Variants in PPP1R1C observed in about 807,000 individuals in gnomAD.
PPP1R1C encodes the protein protein phosphatase 1 regulatory subunit 1C.
Under a neutral mutation model 17.4 loss-of-function variants are expected in PPP1R1C, and 15 were observed. That is an observed-to-expected ratio of 0.86 (90% CI 0.58 to 1.33). The LOEUF is 1.33. PPP1R1C is among the 40% of genes most tolerant of loss of function. The pLI is 0.00. For missense variants in PPP1R1C, 143 were observed against 130.0 expected (o/e 1.10, Z -0.48); for synonymous variants, 35 against 43.1 (o/e 0.81, Z 0.73).
intron 2 of PPP1R1C, among the ~76,000 whole-genome samples, chr2:182,050,375 TA>T (rs1687475642): frequency 6.6e-6 from 1 of 152,180 alleles, no homozygotes; most frequent in South Asian, 2.1e-4. Context: ...TACCGTTCTT[TA>T]AAAAGCCTAA....
intron 2 of PPP1R1C, among the ~76,000 whole-genome samples, chr2:182,052,574 C>T (rs1687557338): frequency 6.6e-6 from 1 of 152,134 alleles, no homozygotes; most frequent in African/African-American, 2.4e-5. Context: ...GGATTGCCCA[C>T]AATCCTACAT....
chr2:182,113,049 C>G (rs1442317384), intron 4 of PPP1R1C, among the ~76,000 whole-genome samples: 1 of 152,028 alleles, frequency 6.6e-6, no homozygotes, highest in Non-Finnish European at 1.5e-5. Context: ...TAATAGCATC[C>G]TAGGATCTGC....
upstream of PPP1R1C, among the ~76,000 whole-genome samples, chr2:181,983,603 G>A (rs1022938000): frequency 2.0e-5 from 3 of 152,226 alleles, no homozygotes; most frequent in Middle Eastern, 0.01. Flanking sequence ...AGCTTTAAAA[G>A]GACTTCAAAT....
upstream of PPP1R1C, among the ~76,000 whole-genome samples, chr2:181,983,223 G>C (rs537732773): frequency 1.3e-5 from 2 of 152,286 alleles, no homozygotes; most frequent in African/African-American, 2.4e-5. Flanking sequence ...ATGCTGTTGT[G>C]ATTAAAAGCC....
At chr2:182,023,974 A>C (rs1204018207) in intron 2 of PPP1R1C, 1 of 152,148 alleles carries the variant, frequency 6.6e-6, no homozygotes, top group Non-Finnish European at 1.5e-5. Flanking sequence ...ACAGGCATAA[A>C]AAGCAAATTT....
exon 6 of PPP1R1C, chr2:182,129,195 A>T (rs1049728572): frequency 6.6e-6 from 1 of 152,056 alleles, no homozygotes. Context: ...TTTTCTAATA[A>T]TTTTTATTAC....
intron 2 of PPP1R1C, among the ~76,000 whole-genome samples, chr2:182,008,434 G>A (rs1286570657): frequency 6.6e-6 from 1 of 152,184 alleles, no homozygotes; most frequent in Non-Finnish European, 1.5e-5. Flanking sequence ...TTTGATGTGA[G>A]ATAGATGTGG....
chr2:182,120,267 T>G (rs1240480265), downstream of PPP1R1C, among the ~76,000 whole-genome samples: 2 of 152,150 alleles, frequency 1.3e-5, no homozygotes, highest in Non-Finnish European at 2.9e-5. Flanking sequence ...TTGGTCTATA[T>G]CTGTTTTGGC....
chr2:182,032,591 C>T (rs1411350487), intron 2 of PPP1R1C, among the ~76,000 whole-genome samples: 6 of 152,126 alleles, frequency 3.9e-5, no homozygotes, highest in African/African-American at 9.7e-5. Flanking sequence ...CCATTATGTT[C>T]AGTGTCTCCA....
intron 2 of PPP1R1C, chr2:182,030,979 GGTGAGTCC>G (rs1267759250): frequency 6.5e-6 from 1 of 153,600 alleles, no homozygotes; most frequent in African/African-American, 2.4e-5. Context: ...CGATTTCCCA[GGTGAGTCC>G]GTCATCCCTT....
At chr2:182,106,789 C>T (rs889047043) in intron 4 of PPP1R1C, among the ~76,000 whole-genome samples, 1 of 152,162 alleles carries the variant, frequency 6.6e-6, no homozygotes, top group Non-Finnish European at 1.5e-5. Flanking sequence ...GTAATATGCA[C>T]CACTAGGGCT....
chr2:181,990,181 C>G (rs1317152899), intron 2 of PPP1R1C, among the ~76,000 whole-genome samples: 1 of 152,048 alleles, frequency 6.6e-6, no homozygotes, highest in East Asian at 1.9e-4. Context: ...CTCTGTCGCC[C>G]AGGCTTGAGT....
intron 2 of PPP1R1C, among the ~76,000 whole-genome samples, chr2:182,012,289 G>A (rs1185875179): frequency 6.6e-6 from 1 of 151,740 alleles, no homozygotes; most frequent in African/African-American, 2.4e-5. Flanking sequence ...GTGCTTCATG[G>A]GTGGGTGCAT....
intron 2 of PPP1R1C, among the ~76,000 whole-genome samples, chr2:182,021,698 C>CTTTTAAAA (rs1428565884): frequency 7.2e-5 from 11 of 152,024 alleles, no homozygotes; most frequent in Non-Finnish European, 1.5e-4. Context: ...TTTCTCTCTG[C>CTTTTAAAA]CTTTTAAAAA....
At position 182,080,534 on chromosome 2, in the gene PPP1R1C, A is replaced by G. The variant is rs139560217; in HGVS notation, c.241+16743A>G. On this transcript the variant is annotated intron_variant, in intron 4 of 4. Coordinates refer to ENST00000682840, the MANE Select transcript of PPP1R1C (RefSeq NM_001080545.3). ...TCACCCAGATAAAAAGCAGAGTAAT[A>G]CCGTAACACAATACATCACGTAATA... is the stretch of plus-strand genomic sequence containing the variant. 1.2e-3 allele frequency among the ~76,000 whole-genome samples: 176 copies of G among 152,346 alleles called. 2 individuals carry two copies. The highest frequency in any genetic ancestry group is 2.9e-4 in the Non-Finnish European group (20 of 68,038).
chr2:182,113,964 A>C (rs1365268112), intron 4 of PPP1R1C, among the ~76,000 whole-genome samples: 1 of 152,156 alleles, frequency 6.6e-6, no homozygotes, highest in African/African-American at 2.4e-5. Flanking sequence ...ATCCACATTT[A>C]ACCATTTGAT....
At chr2:182,083,588 AT>A (rs931349052) in intron 4 of PPP1R1C, among the ~76,000 whole-genome samples, 93 of 151,876 alleles carry the variant, frequency 6.1e-4, no homozygotes, top group African/African-American at 2.0e-3. Flanking sequence ...TGCAAAGGAT[AT>A]TTTTTTTCTT....
At chr2:182,094,257 C>T (rs1236076806) in intron 4 of PPP1R1C, among the ~76,000 whole-genome samples, 2 of 152,156 alleles carry the variant, frequency 1.3e-5, no homozygotes, top group Non-Finnish European at 2.9e-5. Context: ...TTTGCTATTA[C>T]AAGAACAGCA....
At chr2:181,964,040 A>G (rs1190084858) in intron 1 of PPP1R1C, among the ~76,000 whole-genome samples, 1 of 152,198 alleles carries the variant, frequency 6.6e-6, no homozygotes, top group Non-Finnish European at 1.5e-5. Flanking sequence ...GTGCTATCAA[A>G]TACCAGATCT....
Sources: gnomAD v4.1 joint callset for allele counts (sites outside exome capture counted in the v4.1 genomes callset) on GRCh38, gnomAD v4.1.1 for gene constraint, MANE v1.5 for transcripts, NCBI Gene and HGNC (gene_info 2026-07-23, HGNC 2026-07-21) for gene names.